IKZF2: variants seen among roughly 807,000 people sequenced by gnomAD.
IKZF2 encodes the protein IKAROS family zinc finger 2.
In IKZF2, 15 loss-of-function variants were observed where a neutral mutation model predicts 49.2. That is an observed-to-expected ratio of 0.30 (90% confidence interval 0.20 to 0.47). The LOEUF is 0.47. Among genes scored for constraint, IKZF2 ranks in the 20% least tolerant of loss-of-function variants. The pLI is 1.00. For missense variants in IKZF2, 567 were observed against 664.6 expected (o/e 0.85, Z 1.61); for synonymous variants, 227 against 221.4 (o/e 1.03, Z -0.23).
intron 6 of IKZF2, among the ~76,000 whole-genome samples, chr2:213,044,950 C>A (rs1358865021): frequency 6.6e-6 from 1 of 152,100 alleles, no homozygotes; most frequent in African/African-American, 2.4e-5. Flanking sequence ...TCAACAACTT[C>A]ATTGAGGTAT....
intron 6 of IKZF2, among the ~76,000 whole-genome samples, chr2:213,042,571 A>T (rs936975581): frequency 3.9e-5 from 6 of 152,224 alleles, no homozygotes; most frequent in Admixed American, 1.3e-4. Flanking sequence ...TACTGTTTCT[A>T]TGAAACCAAA....
In IKZF2 at chr2:213,037,209, T is replaced by C. The variant is rs967038279; in HGVS notation, c.574+12504A>G. 3.9e-5 allele frequency among the ~76,000 whole-genome samples: 6 copies of C among 152,232 alleles called. No individual in the cohort carries two copies. The East Asian group carries it at 7.7e-4, about 20-fold the overall frequency. The stretch of plus-strand genomic sequence containing the variant: ...AACAATGAGAAAGCAGCTAAGAATC[T>C]TGTCCATTTCTTTAGAACTCCTGAT... On this transcript the variant is annotated intron_variant, in intron 6 of 8. Transcript: ENST00000434687.
chr2:213,118,273 A>G (rs987770062), intron 4 of IKZF2, among the ~76,000 whole-genome samples: 1 of 152,220 alleles, frequency 6.6e-6, no homozygotes, highest in East Asian at 1.9e-4. Context: ...GGGCTTTATC[A>G]AAATGGTTGA....
chr2:213,151,335 A>C (rs532271486), intron 1 of IKZF2, 78 bp downstream of exon 1: 1 of 152,142 alleles, frequency 6.6e-6, no homozygotes, highest in African/African-American at 2.4e-5. Flanking sequence ...AATCATACAC[A>C]TATTTATATA....
chr2:213,014,139 C>A, intron 7 of IKZF2: 1 of 425,976 alleles, frequency 2.3e-6, no homozygotes, highest in East Asian at 3.6e-5. Context: ...TTATTTGAGT[C>A]TCTCTTAAAT....
chr2:213,064,079 C>T (rs1186776045), intron 4 of IKZF2, among the ~76,000 whole-genome samples: 1 of 151,918 alleles, frequency 6.6e-6, no homozygotes, highest in Non-Finnish European at 1.5e-5. Flanking sequence ...ATGCAGTACA[C>T]CTAGTTGCTG....
intron 6 of IKZF2, among the ~76,000 whole-genome samples, chr2:213,041,263 A>G (rs1317746031): frequency 2.0e-5 from 3 of 149,496 alleles, no homozygotes; most frequent in African/African-American, 7.3e-5. Context: ...ACTTTATGTA[A>G]TGTATCTCTG....
At chr2:213,086,611 T>C (rs2125607294) in intron 4 of IKZF2, among the ~76,000 whole-genome samples, 1 of 152,256 alleles carries the variant, frequency 6.6e-6, no homozygotes, top group South Asian at 2.1e-4. Flanking sequence ...GTCCAGAGAT[T>C]GCTAGGCTTC....
intron 4 of IKZF2, among the ~76,000 whole-genome samples, chr2:213,090,252 A>G (rs925995908): frequency 6.6e-6 from 1 of 152,156 alleles, no homozygotes; most frequent in African/African-American, 2.4e-5. Context: ...AATTTATATG[A>G]ATCAGGCCAG....
chr2:213,036,483 G>T (rs929576159), intron 6 of IKZF2, among the ~76,000 whole-genome samples: 25 of 151,996 alleles, frequency 1.6e-4, no homozygotes, highest in African/African-American at 5.3e-4. Flanking sequence ...TGACCTCCAT[G>T]AATCTTTAAA....
intron 4 of IKZF2, among the ~76,000 whole-genome samples, chr2:213,093,619 G>A (rs776862435): frequency 1.3e-5 from 2 of 151,986 alleles, no homozygotes; most frequent in African/African-American, 4.8e-5. Context: ...TCTTTCAACT[G>A]TAAGCTCTAT....
chr2:213,056,705 T>A, intron 5 of IKZF2, 128 bp downstream of exon 5: 3 of 1,110,676 alleles, frequency 2.7e-6, no homozygotes, highest in Non-Finnish European at 2.7e-6. Context: ...AATCCAATAC[T>A]AGCAGAATTC....
intron 4 of IKZF2, among the ~76,000 whole-genome samples, chr2:213,104,882 A>G (rs2125724797): frequency 6.6e-6 from 1 of 152,318 alleles, no homozygotes; most frequent in Admixed American, 6.5e-5. Context: ...GAATGTAAAA[A>G]GAAGAGGAAA....
rs895945932 is a variant in IKZF2 at position 213,001,115 on chromosome 2, G to C, written c.*6245C>G. On this transcript the variant is annotated 3_prime_UTR_variant, in exon 9 of 9. Transcript: ENST00000434687. ...TTTTTAAGACTTCAAGGGGAGTATT[G>C]CACTTGTACAGAAAGAAAAGAATAG... 1 of 151,802 alleles carries C rather than the reference G, an allele frequency of 6.6e-6. No homozygotes were observed. The highest frequency in any genetic ancestry group is 1.5e-5 in the Non-Finnish European group (1 of 67,540). The allele number at this position is 151,802 out of a possible 1,614,324, so 9.4% of individuals were successfully genotyped here. A position where few individuals can be genotyped will look rare whatever the true frequency, so the allele number is the denominator to read the frequency against.
At chr2:213,139,058 A>C (rs898858609) in intron 4 of IKZF2, among the ~76,000 whole-genome samples, 2 of 152,028 alleles carry the variant, frequency 1.3e-5, no homozygotes, top group Non-Finnish European at 2.9e-5. Context: ...TGGGCACTAT[A>C]AGATTGTCTT....
At chr2:213,014,150 C>T in intron 7 of IKZF2, 3 of 398,406 alleles carry the variant, frequency 7.5e-6, no homozygotes, top group Non-Finnish European at 4.6e-6. Context: ...TCTCTTAAAT[C>T]CATGACATAC....
intron 4 of IKZF2, among the ~76,000 whole-genome samples, chr2:213,081,501 T>C (rs1703949167): frequency 6.6e-6 from 1 of 152,062 alleles, no homozygotes; most frequent in South Asian, 2.1e-4. Flanking sequence ...CACTAATAGA[T>C]GTGTGGACTC....
At chr2:213,136,629 A>G (rs982727031) in intron 4 of IKZF2, among the ~76,000 whole-genome samples, 3 of 152,090 alleles carry the variant, frequency 2.0e-5, no homozygotes, top group African/African-American at 7.2e-5. Flanking sequence ...TTCTGGCTCC[A>G]TACTTTCTTT....
chr2:213,042,055 C>T (rs1360058766), intron 6 of IKZF2, among the ~76,000 whole-genome samples: 1 of 152,146 alleles, frequency 6.6e-6, no homozygotes, highest in Non-Finnish European at 1.5e-5. Context: ...AATTAAGTGA[C>T]TTGACAACGT....
Sources: allele counts gnomAD v4.1 joint callset (sites outside exome capture counted in the v4.1 genomes callset), GRCh38; gene constraint gnomAD v4.1.1; transcripts MANE v1.5; gene names NCBI Gene and HGNC (gene_info 2026-07-23, HGNC 2026-07-21).